Variants in KCNH1 observed in about 807,000 individuals in gnomAD.
KCNH1 encodes potassium voltage-gated channel subfamily H member 1.
A neutral mutation model predicts 69.2 loss-of-function variants in KCNH1; 27 were observed. That is an observed-to-expected ratio of 0.39 (90% CI 0.29 to 0.54). KCNH1 has a LOEUF of 0.54. Ranked by LOEUF, KCNH1 falls within the 20% of genes least tolerant of loss-of-function variation. The pLI is 0.68. For synonymous variants in KCNH1, 456 were observed against 487.7 expected (o/e 0.93, Z 0.86); for missense variants, 798 against 1,261.6 (o/e 0.63, Z 5.57).
chr1:210,764,130 T>A (rs777320775), intron 10 of KCNH1, among the ~76,000 whole-genome samples: 2 of 152,150 alleles, frequency 1.3e-5, no homozygotes, highest in Non-Finnish European at 1.5e-5. Context: ...AAGAATACCC[T>A]ATTCAATAAA....
At chr1:210,819,536 A>C (rs948115424) in intron 7 of KCNH1, among the ~76,000 whole-genome samples, 3 of 152,080 alleles carry the variant, frequency 2.0e-5, no homozygotes, top group African/African-American at 4.8e-5. Context: ...AATCACGGCT[A>C]TCCTGAGAGT....
At chr1:210,834,470 T>A in intron 7 of KCNH1, among the ~76,000 whole-genome samples, 1 of 124,210 alleles carries the variant, frequency 8.1e-6, no homozygotes, top group Non-Finnish European at 1.7e-5. Flanking sequence ...CACTCATAGG[T>A]GGGAATTGAA....
chr1:211,018,484 C>A (rs577633573), intron 6 of KCNH1, among the ~76,000 whole-genome samples: 75 of 152,326 alleles, frequency 4.9e-4, no homozygotes, highest in African/African-American at 1.7e-3. Context: ...GAAGACTTGC[C>A]AGTGCAGTGG....
At chr1:210,746,893 G>A (rs1407540937) in intron 10 of KCNH1, among the ~76,000 whole-genome samples, 2 of 152,088 alleles carry the variant, frequency 1.3e-5, no homozygotes, top group African/African-American at 4.8e-5. Flanking sequence ...CTGGGTAGAG[G>A]GCACACCAAG....
intron 7 of KCNH1, among the ~76,000 whole-genome samples, chr1:210,915,447 C>T (rs1265375504): frequency 1.3e-5 from 2 of 152,052 alleles, no homozygotes; most frequent in East Asian, 3.9e-4. Context: ...CTTGGCATTA[C>T]CAATGCATAG....
rs547452084 is a variant in KCNH1 at position 210,690,006 on chromosome 1, C to G, written c.2113-5868G>C. Among the ~76,000 whole-genome samples the G allele has an allele frequency of 3.3e-5, 5 of 152,328 alleles. No homozygotes were observed. In the South Asian group the frequency reaches 1.0e-3, roughly 32 times the overall value. ...TTGTGCTCACACATGAGCATGGCCA[C>G]ACACACCAGCTTCCTGTGCACCTCT... On this transcript the variant is annotated intron_variant, in intron 10 of 10. Coordinates refer to ENST00000271751, the MANE Select transcript of KCNH1 (RefSeq NM_172362.3).
In KCNH1 at chr1:211,127,454, C is replaced by T. The variant is rs115230366; in HGVS notation, c.79+6413G>A. Among the ~76,000 whole-genome samples, 1,004 of 150,194 alleles carry T rather than the reference C, an allele frequency of 6.7e-3. 6 individuals are homozygous for T. The highest frequency in any genetic ancestry group is 0.024 in the African/African-American group (970 of 40,916). On this transcript the variant is annotated intron_variant, in intron 1 of 10. Transcript: ENST00000271751. ...AAAAAAAAAAAAAAAAATCCCACCA[C>T]ACTTGCATGTACCCTTTGCACATAA... is the stretch of plus-strand genomic sequence containing the variant.
At chr1:210,823,443 T>C (rs951492011) in intron 7 of KCNH1, among the ~76,000 whole-genome samples, 1 of 152,194 alleles carries the variant, frequency 6.6e-6, no homozygotes, top group Admixed American at 6.5e-5. Flanking sequence ...GAGGCCCATA[T>C]TGCATTTAGG....
chr1:210,864,194 G>A (rs1686052367), intron 7 of KCNH1, among the ~76,000 whole-genome samples: 1 of 152,174 alleles, frequency 6.6e-6, no homozygotes, highest in South Asian at 2.1e-4. Context: ...CTCTCAGCCT[G>A]ACAGCAGAGT....
intron 6 of KCNH1, among the ~76,000 whole-genome samples, chr1:210,998,536 G>C (rs775166281): frequency 6.6e-6 from 1 of 152,134 alleles, no homozygotes; most frequent in Non-Finnish European, 1.5e-5. Context: ...TCTACAAAGA[G>C]ACTTAGACTC....
intron 7 of KCNH1, among the ~76,000 whole-genome samples, chr1:210,846,477 G>A (rs973044850): frequency 6.6e-6 from 1 of 151,556 alleles, no homozygotes; most frequent in Non-Finnish European, 1.5e-5. Context: ...CAAGCAATGG[G>A]GAAAGGATTC....
intron 7 of KCNH1, among the ~76,000 whole-genome samples, chr1:210,843,524 C>T (rs370804099): frequency 2.4e-4 from 36 of 152,256 alleles, no homozygotes; most frequent in East Asian, 1.4e-3. Flanking sequence ...GGTTGGAATT[C>T]TTCTCTCTTT....
chr1:210,746,516 G>A (rs1934633), intron 10 of KCNH1, among the ~76,000 whole-genome samples: 73,382 of 151,686 alleles, frequency 0.48, 17,978 homozygotes, highest in East Asian at 0.7. Context: ...AGGACAGCAC[G>A]GGGGCTGCAA....
Position 210,731,208 on chromosome 1 carries a change from A to C in KCNH1, c.2112+44140T>G, listed in dbSNP as rs76421562. ...ATCACCTTCCCTAACTTCCTAGGAAATGTTATTTGTTGTTACAGTGAGCGT... is the reference window on the plus strand; with the variant it reads ...ATCACCTTCCCTAACTTCCTAGGAACTGTTATTTGTTGTTACAGTGAGCGT... On this transcript the variant is annotated intron_variant, in intron 10 of 10. Transcript: ENST00000271751. 7.9e-4 allele frequency among the ~76,000 whole-genome samples: 121 copies of C among 152,326 alleles called. 1 individual carries two copies. The East Asian group carries it at 0.015, about 19-fold the overall frequency.
intron 10 of KCNH1, among the ~76,000 whole-genome samples, chr1:210,752,892 C>T (rs551393107): frequency 1.3e-5 from 2 of 152,102 alleles, no homozygotes; most frequent in East Asian, 3.9e-4. Flanking sequence ...GGCCCTGAGT[C>T]CTGTGACTAT....
intron 1 of KCNH1, among the ~76,000 whole-genome samples, chr1:211,121,679 AT>A (rs1233425539): frequency 6.6e-6 from 1 of 152,218 alleles, no homozygotes; most frequent in Non-Finnish European, 1.5e-5. Flanking sequence ...AAATTGACAA[AT>A]GGGATCTGAT....
chr1:210,743,840 C>T (rs748432722), intron 10 of KCNH1, among the ~76,000 whole-genome samples: 2 of 152,158 alleles, frequency 1.3e-5, no homozygotes, highest in Non-Finnish European at 2.9e-5. Flanking sequence ...TCTGGGAGCC[C>T]GCTCTGCAAC....
chr1:210,795,126 TTTGTTG>T (rs141102001), intron 9 of KCNH1, among the ~76,000 whole-genome samples: 26,441 of 151,264 alleles, frequency 0.17, 2,380 homozygotes, highest in Non-Finnish European at 0.2. Context: ...TTTGCTTGTT[TTTGTTG>T]TTGTTGTTGT....
At chr1:210,913,187 A>G (rs1687269364) in intron 7 of KCNH1, among the ~76,000 whole-genome samples, 1 of 152,182 alleles carries the variant, frequency 6.6e-6, no homozygotes, top group African/African-American at 2.4e-5. Context: ...GGTTATAGAG[A>G]AAAAATCAAG....
Sources: gnomAD v4.1 joint callset for allele counts (sites outside exome capture counted in the v4.1 genomes callset) on GRCh38, gnomAD v4.1.1 for gene constraint, MANE v1.5 for transcripts, NCBI Gene and HGNC (gene_info 2026-07-23, HGNC 2026-07-21) for gene names.